WDR48: variants seen among roughly 807,000 people sequenced by gnomAD.
WDR48 encodes WD repeat-containing protein 48.
Under a neutral mutation model 94.0 loss-of-function variants are expected in WDR48, and 22 were observed. The ratio of observed to expected loss-of-function variants is 0.23; its 90% CI spans 0.17 to 0.33. The LOEUF (loss-of-function observed/expected upper bound fraction) is 0.33, where lower values mean the gene tolerates loss of function less well. Ranked by LOEUF, WDR48 falls within the 10% of genes least tolerant of loss-of-function variation. The probability of loss-of-function intolerance (pLI) is 1.00; values close to 1 mark genes in which losing one functional copy is unlikely to be tolerated. For synonymous variants in WDR48, 278 were observed against 280.5 expected, an observed-to-expected ratio of 0.99 and a Z score of 0.09; for missense variants, 541 against 813.8, an observed-to-expected ratio of 0.66 and a Z score of 4.08.
chr3:39,062,597 G>GTGA (rs1460853968), intron 1 of WDR48, among the ~76,000 whole-genome samples: 4 of 152,206 alleles, frequency 2.6e-5, no homozygotes, highest in Admixed American at 6.5e-5. Flanking sequence ...ACCAGCATGT[G>GTGA]TGATGGTCTG....
chr3:39,088,523 G>A (rs763767387), intron 15 of WDR48, among the ~76,000 whole-genome samples: 9 of 152,118 alleles, frequency 5.9e-5, no homozygotes, highest in Non-Finnish European at 1.0e-4. Flanking sequence ...CACTTTGCCC[G>A]TGTGACTGCA....
chr3:39,070,109 G>A (rs987758586), intron 7 of WDR48, among the ~76,000 whole-genome samples: 3 of 152,072 alleles, frequency 2.0e-5, no homozygotes, highest in African/African-American at 7.2e-5. Context: ...TCTGACTTAG[G>A]GGCACATTTT....
chr3:39,074,781 G>T lies in WDR48; in HGVS notation c.728G>T (p.Arg243Ile), dbSNP rs750508981. Residue 243 changes from arginine to isoleucine, a missense_variant, in exon 8 of 19, where the codon AGA becomes ATA. By Grantham distance (97) the Arg-to-Ile change is moderately conservative (BLOSUM62 -3). Coordinates refer to ENST00000302313, the MANE Select transcript of WDR48 (RefSeq NM_020839.4). ...CGCCTTTGGTCCCTTGGCCAGCAGA[G>T]ATGTATAGCAACATACCGAGTCCAT... ...TIRLWSLGQQRCIATYRVHDE... is the reference protein window; with the variant it reads ...TIRLWSLGQQICIATYRVHDE... 5.0e-6 allele frequency: 8 copies of T among 1,614,248 alleles called. No individual in the cohort carries two copies. Among genetic ancestry groups the T allele is most frequent in the Non-Finnish European group, 5.9e-6 (7 of 1,180,040 alleles).
chr3:39,089,459 A>G, intron 16 of WDR48, 141 bp downstream of exon 16: 1 of 592,464 alleles, frequency 1.7e-6, no homozygotes, highest in Non-Finnish European at 2.7e-6. Context: ...TTGCAGTTCC[A>G]AAGTTGCAGA....
chr3:39,086,003 C>T (rs775719396), intron 14 of WDR48, among the ~76,000 whole-genome samples: 19 of 152,194 alleles, frequency 1.2e-4, no homozygotes, highest in Non-Finnish European at 2.8e-4. Flanking sequence ...TGCATAGTCA[C>T]TCTTCATGTT....
chr3:39,053,121 T>C (rs569651419), intron 1 of WDR48, among the ~76,000 whole-genome samples: 6 of 152,260 alleles, frequency 3.9e-5, no homozygotes, highest in Non-Finnish European at 7.3e-5. Context: ...TTGTATGTGG[T>C]AGTGGCAGTT....
chr3:39,055,737 C>T (rs2032836076), intron 1 of WDR48, among the ~76,000 whole-genome samples: 1 of 152,040 alleles, frequency 6.6e-6, no homozygotes, highest in South Asian at 2.1e-4. Flanking sequence ...CTTAGCAGTC[C>T]CTTGGTGGTA....
intron 17 of WDR48, among the ~76,000 whole-genome samples, chr3:39,092,960 G>T (rs1418067088): frequency 6.6e-6 from 1 of 151,658 alleles, no homozygotes; most frequent in Non-Finnish European, 1.5e-5. Context: ...AACAACTGAA[G>T]TTCAAATGAT....
At chr3:39,092,949 T>C (rs1362314406) in intron 17 of WDR48, among the ~76,000 whole-genome samples, 1 of 151,948 alleles carries the variant, frequency 6.6e-6, no homozygotes, top group Non-Finnish European at 1.5e-5. Flanking sequence ...CAGATAGATT[T>C]AACAACTGAA....
chr3:39,081,767 G>T (rs2034547668), intron 11 of WDR48, among the ~76,000 whole-genome samples: 1 of 152,160 alleles, frequency 6.6e-6, no homozygotes, highest in Admixed American at 6.5e-5. Context: ...CTGTATATGG[G>T]TCTGTTGCCC....
At chr3:39,085,690 A>G in intron 14 of WDR48, 80 bp downstream of exon 14, 1 of 1,184,918 alleles carries the variant, frequency 8.4e-7, no homozygotes. Context: ...GTACTTACTT[A>G]AACCGTTAGC....
In WDR48 at chr3:39,077,223, C is replaced by T. The variant is rs2034275742; in HGVS notation, c.972+10C>T. The T allele has an allele frequency of 1.2e-6, 2 of 1,613,774 alleles. No individual in the cohort carries two copies. The highest frequency in any genetic ancestry group is 1.3e-5 in the African/African-American group (1 of 74,912). On this transcript the variant is annotated intron_variant, in intron 9 of 18. Transcript: ENST00000302313. Reference sequence around the variant, plus strand: ...TACAGTAAATAAATGGGTAAGTGAGCTATTAACCTGGCAAAGGTTTATAAA... The same window carrying T: ...TACAGTAAATAAATGGGTAAGTGAGTTATTAACCTGGCAAAGGTTTATAAA...
At chr3:39,060,711 G>A (rs1189958407) in intron 1 of WDR48, among the ~76,000 whole-genome samples, 3 of 152,204 alleles carry the variant, frequency 2.0e-5, no homozygotes, top group Non-Finnish European at 2.9e-5. Context: ...AGGTGCAGTG[G>A]CTCACGCCTG....
intron 6 of WDR48, among the ~76,000 whole-genome samples, chr3:39,069,292 G>C (rs1037669595): frequency 1.3e-5 from 2 of 152,156 alleles, no homozygotes; most frequent in Non-Finnish European, 2.9e-5. Flanking sequence ...GAGCTTAAAG[G>C]GTGGTTTGAA....
At chr3:39,085,961 A>ATACC (rs2034788250) in intron 14 of WDR48, among the ~76,000 whole-genome samples, 2 of 152,242 alleles carry the variant, frequency 1.3e-5, no homozygotes, top group African/African-American at 4.8e-5. Flanking sequence ...AAAGCTAGGT[A>ATACC]GTTAGCTGCA....
At chr3:39,067,982 A>G (rs983201352) in intron 5 of WDR48, among the ~76,000 whole-genome samples, 2 of 152,008 alleles carry the variant, frequency 1.3e-5, no homozygotes, top group African/African-American at 4.8e-5. Flanking sequence ...AATGGGAGGG[A>G]ACAAAGCAAA....
In WDR48 at chr3:39,069,692, A is replaced by G. The variant is rs774019958; in HGVS notation, c.620A>G (p.Lys207Arg). 6.8e-6 allele frequency: 11 copies of G among 1,613,750 alleles called. No homozygotes were observed. Among genetic ancestry groups the G allele is most frequent in the Admixed American group, 1.7e-5 (1 of 59,982 alleles). Residue 207 changes from lysine (K) to arginine (R), a missense_variant, in exon 7 of 19, where the codon AAA becomes AGA. Physicochemically the swap from Lys to Arg is conservative, Grantham distance 26. This residue lies in a region of WDR48 where 104 missense variants were observed against 189.7 expected (regional missense o/e 0.55). Transcript: ENST00000302313. ...ACATGTGCAAAACTAATGAAGCTTA[A>G]AGGGCACACGGATAATGTGAAGGCA... ...PRTCAKLMKL[K>R]GHTDNVKALL... is the part of the protein sequence containing the mutation.
rs1192390620 is a variant in WDR48, at chr3:39,093,761, A to G, written c.1746-113A>G. 1.5e-5 allele frequency: 18 copies of G among 1,228,130 alleles called. No homozygotes were observed. The South Asian group carries it at 2.3e-4, about 16-fold the overall frequency. 76.1% of individuals were successfully genotyped at this position (1,228,130 alleles called of 1,614,324 possible). ...ATGGATTAAGGTAATGACTAAAAAC[A>G]TTTATTGGTTTATTTTTCATCTTTA... is the stretch of plus-strand genomic sequence containing the variant. On this transcript the variant is annotated intron_variant, in intron 17 of 18. Transcript: ENST00000302313.
At chr3:39,063,968 T>G (rs2033437921) in intron 2 of WDR48, among the ~76,000 whole-genome samples, 1 of 152,068 alleles carries the variant, frequency 6.6e-6, no homozygotes, top group Non-Finnish European at 1.5e-5. Context: ...TAAATAAAGA[T>G]AATATAAAAT....
Sources: allele counts gnomAD v4.1 joint callset (sites outside exome capture counted in the v4.1 genomes callset), GRCh38; gene constraint gnomAD v4.1.1; regional missense constraint gnomAD v4.1.1; transcripts MANE v1.5; gene names NCBI Gene and HGNC (gene_info 2026-07-23, HGNC 2026-07-21).